DPYSL2: variants seen among roughly 807,000 people sequenced by gnomAD.
DPYSL2 encodes the protein dihydropyrimidinase-related protein 2.
Under a neutral mutation model 69.9 loss-of-function variants are expected in DPYSL2, and 13 were observed. The observed-to-expected ratio is 0.19, with a 90% CI of 0.12 to 0.30. The LOEUF is 0.30. Among genes scored for constraint, DPYSL2 ranks in the 10% least tolerant of loss-of-function variants. The probability of loss-of-function intolerance (pLI) is 1.00; values close to 1 mark genes in which losing one functional copy is unlikely to be tolerated. For synonymous variants in DPYSL2, 326 were observed against 359.1 expected, an observed-to-expected ratio of 0.91 and a Z score of 1.04; for missense variants, 587 against 918.9, an observed-to-expected ratio of 0.64 and a Z score of 4.67.
chr8:26,603,336 C>T (rs777820008), intron 3 of DPYSL2, among the ~76,000 whole-genome samples: 3 of 152,098 alleles, frequency 2.0e-5, no homozygotes, highest in African/African-American at 7.2e-5. Flanking sequence ...CCACACCCGG[C>T]TAATTTTTGT....
In DPYSL2 at chr8:26,653,828, T is replaced by C. The variant is rs888570544; in HGVS notation, c.1942+431T>C. Among the ~76,000 whole-genome samples the C allele has an allele frequency of 2.0e-5, 3 of 152,196 alleles. No individual in the cohort carries two copies. The highest frequency in any genetic ancestry group is 6.5e-5 in the Admixed American group (1 of 15,276). The stretch of plus-strand genomic sequence containing the variant: ...GCCTCGGCCTCCCAAAGTGCTGGGA[T>C]TACAGGTGTGAGCCACCGGGCCCAG... On this transcript the variant is annotated intron_variant, in intron 13 of 13. Transcript: ENST00000521913. This position sits in a 1 kb window ranked among gnomAD's most constrained non-coding sequence, Gnocchi z 5.7.
chr8:26,603,390 C>A (rs1585539130), intron 3 of DPYSL2, among the ~76,000 whole-genome samples: 1 of 152,194 alleles, frequency 6.6e-6, no homozygotes, highest in East Asian at 1.9e-4. Context: ...CCAGGCTGGT[C>A]TCGAACTCCT....
At chr8:26,594,303 T>A (rs1563401364) in intron 3 of DPYSL2, among the ~76,000 whole-genome samples, 2 of 152,230 alleles carry the variant, frequency 1.3e-5, no homozygotes, top group African/African-American at 2.4e-5. Context: ...TCTCTCTCTC[T>A]CACACCTGTC....
chr8:26,546,988 C>T (rs1373709178), intron 1 of DPYSL2, among the ~76,000 whole-genome samples: 1 of 135,350 alleles, frequency 7.4e-6, no homozygotes, highest in East Asian at 2.4e-4. Context: ...AAATCAACAA[C>T]TCTTTATCAG....
Position 26,644,180 on chromosome 8 carries a change from A to G in DPYSL2, c.1425+89A>G. ...CCATGGGGCTCATGGAGGCCTTGAA[A>G]TGACAGACAGTGGAGGACATCCTAG... On this transcript the variant is annotated intron_variant, in intron 10 of 13. Coordinates refer to ENST00000521913, the MANE Select transcript of DPYSL2 (RefSeq NM_001197293.3). This position sits in a 1 kb window ranked among gnomAD's most constrained non-coding sequence, Gnocchi z 4.5. 8.0e-6 allele frequency: 12 copies of G among 1,497,482 alleles called. No homozygotes were observed. The highest frequency in any genetic ancestry group is 1.1e-5 in the Non-Finnish European group (12 of 1,113,592). The allele number at this position is 1,497,482 out of a possible 1,614,324, so 92.8% of individuals were successfully genotyped here. A position where few individuals can be genotyped will look rare whatever the true frequency, so the allele number is the denominator to read the frequency against.
intron 1 of DPYSL2, among the ~76,000 whole-genome samples, chr8:26,575,632 C>T (rs1801314636): frequency 6.6e-6 from 1 of 152,060 alleles, no homozygotes; most frequent in South Asian, 2.1e-4. Context: ...ATAGCAATGG[C>T]TATACAATTG....
intron 1 of DPYSL2, among the ~76,000 whole-genome samples, chr8:26,558,454 G>C (rs1332756972): frequency 6.6e-6 from 1 of 152,162 alleles, no homozygotes; most frequent in Non-Finnish European, 1.5e-5. Flanking sequence ...AGCAATAGTA[G>C]GTAGAGCACA....
rs1167605752 is a variant in DPYSL2 at position 26,585,276 on chromosome 8, C to T, written c.628+1293C>T. On this transcript the variant is annotated intron_variant, in intron 3 of 13. Transcript: ENST00000521913. This position sits in a 1 kb window ranked among gnomAD's most constrained non-coding sequence, Gnocchi z 4.0. Reference sequence around the variant, plus strand: ...CGAGTGGTGGTCTTTTTGCTTGTGGCTTTGGGGTCTATCTGGAAGCTTCTT... The same window carrying T: ...CGAGTGGTGGTCTTTTTGCTTGTGGTTTTGGGGTCTATCTGGAAGCTTCTT... Among the ~76,000 whole-genome samples, 1 of 152,056 alleles carries T rather than the reference C, an allele frequency of 6.6e-6. No homozygotes were observed. Among genetic ancestry groups the T allele is most frequent in the African/African-American group, 2.4e-5 (1 of 41,388 alleles).
chr8:26,568,693 T>C (rs1373962798), intron 1 of DPYSL2, among the ~76,000 whole-genome samples: 4 of 151,652 alleles, frequency 2.6e-5, no homozygotes, highest in Non-Finnish European at 4.4e-5. Context: ...TCATGGCGGA[T>C]TCTTTTAAGA....
intron 1 of DPYSL2, among the ~76,000 whole-genome samples, chr8:26,521,614 C>T (rs1808386129): frequency 6.6e-6 from 1 of 152,030 alleles, no homozygotes; most frequent in Non-Finnish European, 1.5e-5. Flanking sequence ...AATTCCAGAA[C>T]ATTTTCATCA....
chr8:26,632,435 G>C (rs1802799748), intron 7 of DPYSL2, among the ~76,000 whole-genome samples: 1 of 152,186 alleles, frequency 6.6e-6, no homozygotes, highest in Non-Finnish European at 1.5e-5. Flanking sequence ...GGATAATGAA[G>C]AACCCTTCAC....
chr8:26,642,087 T>C lies in DPYSL2; in HGVS notation c.1127-1352T>C, dbSNP rs923068086. On this transcript the variant is annotated intron_variant, in intron 8 of 13. Transcript: ENST00000521913. This position sits in a 1 kb window ranked among gnomAD's most constrained non-coding sequence, Gnocchi z 5.3. Reference sequence around the variant, plus strand: ...TTAGCCCTGTGCTGGGGGGAGCTAGTGAGAGATGAATTCAGCTGACCTGGG... The same window carrying C: ...TTAGCCCTGTGCTGGGGGGAGCTAGCGAGAGATGAATTCAGCTGACCTGGG... Among the ~76,000 whole-genome samples the C allele has an allele frequency of 3.3e-5, 5 of 152,154 alleles. No individual in the cohort carries two copies. Among genetic ancestry groups the C allele is most frequent in the Non-Finnish European group, 7.4e-5 (5 of 68,022 alleles).
intron 1 of DPYSL2, among the ~76,000 whole-genome samples, chr8:26,535,637 T>TATATATATATATATA (rs199796205): frequency 1.4e-5 from 2 of 144,126 alleles, no homozygotes; most frequent in African/African-American, 5.2e-5. Flanking sequence ...ATATATATAT[T>TATATATATATATATA]TTTTTTTTCA....
chr8:26,514,245 G>A lies in DPYSL2; in HGVS notation c.-81G>A. ...CGGCAGCCGCGGCAGCAGCTAGGGG[G>A]CTTGTGCACACAGCGAGGGAGACTT... On this transcript the variant is annotated 5_prime_UTR_variant, in exon 1 of 14. Transcript: ENST00000521913. The surrounding 1 kb of genome is among the most constrained non-coding windows in gnomAD (Gnocchi z 8.4). 1 of 1,237,966 alleles carries A rather than the reference G, an allele frequency of 8.1e-7. No individual in the cohort carries two copies. The highest frequency in any genetic ancestry group is 1.1e-6 in the Non-Finnish European group (1 of 941,726). The allele number at this position is 1,237,966 out of a possible 1,614,324, so 76.7% of individuals were successfully genotyped here.
chr8:26,542,078 C>A (rs892154996), intron 1 of DPYSL2, among the ~76,000 whole-genome samples: 1 of 152,090 alleles, frequency 6.6e-6, no homozygotes, highest in Non-Finnish European at 1.5e-5. Flanking sequence ...TGAGACCAGT[C>A]TGGGCTCAAA....
At chr8:26,528,431 G>A (rs1808520093) in intron 1 of DPYSL2, among the ~76,000 whole-genome samples, 1 of 151,990 alleles carries the variant, frequency 6.6e-6, no homozygotes. Flanking sequence ...GGTGGATCCC[G>A]AGGTCAAGAG....
At position 26,647,459 on chromosome 8, in the gene DPYSL2, A is replaced by G. The variant is rs6557933; in HGVS notation, c.1426-171A>G. On this transcript the variant is annotated intron_variant, in intron 10 of 13. Coordinates refer to ENST00000521913, the MANE Select transcript of DPYSL2 (RefSeq NM_001197293.3). The surrounding 1 kb of genome is among the most constrained non-coding windows in gnomAD (Gnocchi z 5.1). ...TTTTGTTATTTGGAGAATGTTATAG[A>G]AATGGAGTCATACAGTGTGTGACCT... Among the ~76,000 whole-genome samples the G allele has an allele frequency of 0.46, 69,447 of 152,132 alleles. 17,024 individuals carry two copies. The highest frequency in any genetic ancestry group is 0.56 in the Non-Finnish European group (37,934 of 67,968).
Position 26,624,357 on chromosome 8 carries a change from A to G in DPYSL2, c.793+50A>G, listed in dbSNP as rs772848067. 6.3e-7 allele frequency: 1 copy of G among 1,593,446 alleles called. No homozygotes were observed. Among genetic ancestry groups the G allele is most frequent in the Non-Finnish European group, 8.6e-7 (1 of 1,165,950 alleles). On this transcript the variant is annotated intron_variant, in intron 4 of 13. Transcript: ENST00000521913. The surrounding 1 kb of genome is among the most constrained non-coding windows in gnomAD (Gnocchi z 4.7). Reference sequence around the variant, plus strand: ...TCTGCAGATGTTTCCGCTTCAGTCCATCAACTGGCACAGCCCTGGGAAGAA... The same window carrying G: ...TCTGCAGATGTTTCCGCTTCAGTCCGTCAACTGGCACAGCCCTGGGAAGAA...
At chr8:26,613,015 G>A (rs62491957) in intron 3 of DPYSL2, among the ~76,000 whole-genome samples, 2,042 of 152,288 alleles carry the variant, frequency 0.013, 25 homozygotes, top group Middle Eastern at 0.068. Context: ...AAAACACTAT[G>A]TCTATGTGAG....
Sources: allele counts gnomAD v4.1 joint callset (sites outside exome capture counted in the v4.1 genomes callset), GRCh38; gene constraint gnomAD v4.1.1; non-coding constraint Gnocchi (gnomAD v3.1); transcripts MANE v1.5; gene names NCBI Gene and HGNC (gene_info 2026-07-23, HGNC 2026-07-21).